The following RASA1 variants were observed in gnomAD, a reference collection of about 807,000 sequenced individuals.
RASA1 encodes the protein ras GTPase-activating protein 1.
Under a neutral mutation model 132.2 loss-of-function variants are expected in RASA1, and 25 were observed. The observed-to-expected ratio is 0.19, with a 90% CI of 0.14 to 0.26. The LOEUF is 0.26. RASA1 is among the 10% of genes least tolerant of loss of function. RASA1 has a pLI of 1.00. For synonymous variants in RASA1, 477 were observed against 449.9 expected (o/e 1.06, Z -0.76); for missense variants, 964 against 1,299.2 (o/e 0.74, Z 3.97).
chr5:87,268,531 C>T lies in RASA1; in HGVS notation c.80C>T (p.Ser27Phe). The T allele has an allele frequency of 6.3e-7, 1 of 1,592,842 alleles. No individual in the cohort carries two copies. Among genetic ancestry groups the T allele is most frequent in the Non-Finnish European group, 8.5e-7 (1 of 1,171,202 alleles). The change falls in exon 1 of 25, where the codon TCC becomes TTC. Residue 27 changes from serine (S) to phenylalanine (F), a missense_variant. By Grantham distance (155) the Ser-to-Phe change is radical (BLOSUM62 -2). This residue lies in a region of RASA1 where 326 missense variants were observed against 275.8 expected (regional missense o/e 1.18). Transcript: ENST00000274376. ...GGAGGAGGCGGCGCGGCAGCGGGCT[C>T]CAGTGCCTATCCCGCAGTGTGTCGG... Reference protein sequence around the residue: ...GAGGGGAAAGSSAYPAVCRVK... With the variant: ...GAGGGGAAAGFSAYPAVCRVK...
At chr5:87,356,937 C>T (rs188068799) in intron 9 of RASA1, among the ~76,000 whole-genome samples, 15 of 152,172 alleles carry the variant, frequency 9.9e-5, no homozygotes, top group Admixed American at 9.2e-4. Flanking sequence ...TTTTTGTTTG[C>T]ATTGTTTTTT....
chr5:87,298,384 G>A (rs1755213256), intron 1 of RASA1, among the ~76,000 whole-genome samples: 1 of 148,214 alleles, frequency 6.7e-6, no homozygotes, highest in South Asian at 2.1e-4. Flanking sequence ...CTGCACTCCA[G>A]CCTGGACGAC....
intron 1 of RASA1, among the ~76,000 whole-genome samples, chr5:87,323,425 A>G (rs1464789846): frequency 1.3e-5 from 2 of 152,164 alleles, no homozygotes; most frequent in Non-Finnish European, 2.9e-5. Flanking sequence ...GAGAGTGGAT[A>G]ATGCCTGTTC....
At chr5:87,344,052 T>C (rs1056526702) in intron 6 of RASA1, among the ~76,000 whole-genome samples, 1 of 152,090 alleles carries the variant, frequency 6.6e-6, no homozygotes, top group Non-Finnish European at 1.5e-5. Flanking sequence ...AGAATGATGG[T>C]TACCAAAAGG....
intron 1 of RASA1, among the ~76,000 whole-genome samples, chr5:87,292,404 G>A (rs759421319): frequency 8.0e-6 from 1 of 124,736 alleles, no homozygotes; most frequent in Non-Finnish European, 1.7e-5. Context: ...ATGTCTAGTT[G>A]TGCCAGCACT....
chr5:87,328,350 T>A (rs1757383039), intron 1 of RASA1, among the ~76,000 whole-genome samples: 1 of 152,034 alleles, frequency 6.6e-6, no homozygotes, highest in Non-Finnish European at 1.5e-5. Flanking sequence ...TTGAAAACGG[T>A]CACCAGCAAA....
At position 87,328,349 on chromosome 5, in the gene RASA1, G is replaced by T. The variant is rs563506685; in HGVS notation, c.540-2999G>T. 1.6e-3 allele frequency among the ~76,000 whole-genome samples: 240 copies of T among 152,100 alleles called. 1 individual carries two copies. Among genetic ancestry groups the T allele is most frequent in the Middle Eastern group, 6.8e-3 (2 of 294 alleles). On this transcript the variant is annotated intron_variant, in intron 1 of 24. Transcript: ENST00000274376. The stretch of plus-strand genomic sequence containing the variant: ...TTTTTTTTAAACTTATTTGAAAACG[G>T]TCACCAGCAAATCTACTTTTAAAGA...
At chr5:87,310,366 GTAAGT>G (rs1755819708) in intron 1 of RASA1, among the ~76,000 whole-genome samples, 1 of 152,134 alleles carries the variant, frequency 6.6e-6, no homozygotes, top group Non-Finnish European at 1.5e-5. Flanking sequence ...TGCAAAGCTA[GTAAGT>G]TAAATCTGAA....
chr5:87,277,706 G>T (rs1184148550), intron 1 of RASA1, among the ~76,000 whole-genome samples: 1 of 152,072 alleles, frequency 6.6e-6, no homozygotes, highest in Non-Finnish European at 1.5e-5. Context: ...AATGGATTTG[G>T]ATTATTTTGG....
chr5:87,289,517 G>T (rs768213331), intron 1 of RASA1, among the ~76,000 whole-genome samples: 8 of 152,080 alleles, frequency 5.3e-5, no homozygotes, highest in Admixed American at 4.6e-4. Flanking sequence ...CTTCATTAGG[G>T]AATCTTAGGA....
In RASA1 at chr5:87,268,744, C is replaced by T; in HGVS notation, c.293C>T (p.Ala98Val). ...GGGTAAGVAG[A>V]AAGVAGAAVA... Reference sequence around the variant, plus strand: ...GGTACTGCTGCTGGCGTAGCTGGTGCTGCTGCTGGCGTGGCCGGTGCTGCT... The same window carrying T: ...GGTACTGCTGCTGGCGTAGCTGGTGTTGCTGCTGGCGTGGCCGGTGCTGCT... Residue 98 changes from alanine (A) to valine (V), a missense_variant, in exon 1 of 25, where the codon GCT (alanine) becomes GTT (valine). By Grantham distance (64) the Ala-to-Val change is moderately conservative. Coordinates refer to ENST00000274376, the MANE Select transcript of RASA1 (RefSeq NM_002890.3). 1 of 1,613,332 alleles carries T rather than the reference C, an allele frequency of 6.2e-7. No homozygotes were observed. Among genetic ancestry groups the T allele is most frequent in the African/African-American group, 1.3e-5 (1 of 75,042 alleles).
At chr5:87,374,769 C>A in intron 14 of RASA1, 71 bp from the exon 15 acceptor site, 1 of 1,575,254 alleles carries the variant, frequency 6.3e-7, no homozygotes, top group Non-Finnish European at 8.6e-7. Flanking sequence ...TTATTTGATA[C>A]TAGAACTAAA....
intron 9 of RASA1, among the ~76,000 whole-genome samples, chr5:87,359,823 T>C (rs1399753227): frequency 6.6e-6 from 1 of 152,200 alleles, no homozygotes; most frequent in African/African-American, 2.4e-5. Flanking sequence ...GTAGTAAGAA[T>C]TTAAATGTAG....
At chr5:87,369,949 G>C in intron 12 of RASA1, 49 bp downstream of exon 12, 1 of 1,446,244 alleles carries the variant, frequency 6.9e-7, no homozygotes, top group Middle Eastern at 1.7e-4. Flanking sequence ...GTTAGCCCAT[G>C]TTTTCTTATT....
At chr5:87,367,150 C>G (rs1315780161) in intron 11 of RASA1, among the ~76,000 whole-genome samples, 1 of 152,032 alleles carries the variant, frequency 6.6e-6, no homozygotes, top group Non-Finnish European at 1.5e-5. Context: ...GTGAGAAAGA[C>G]TGAATGCCAA....
chr5:87,341,173 A>T (rs950283098), intron 5 of RASA1, 117 bp from the exon 6 acceptor site: 1 of 536,190 alleles, frequency 1.9e-6, no homozygotes, highest in Non-Finnish European at 2.9e-6. Flanking sequence ...CTTTTTTTAT[A>T]TAAACATAAA....
At chr5:87,315,026 T>A (rs1372578162) in intron 1 of RASA1, among the ~76,000 whole-genome samples, 1 of 152,238 alleles carries the variant, frequency 6.6e-6, no homozygotes, top group Non-Finnish European at 1.5e-5. Context: ...CTAGGCAGAA[T>A]GTGGTTTCCA....
At chr5:87,275,295 T>C (rs1301269559) in intron 1 of RASA1, among the ~76,000 whole-genome samples, 5 of 152,310 alleles carry the variant, frequency 3.3e-5, no homozygotes, top group Middle Eastern at 3.4e-3. Context: ...ACAGTTCTAA[T>C]TGGTTTATTT....
At chr5:87,318,201 C>G (rs1039697154) in intron 1 of RASA1, among the ~76,000 whole-genome samples, 5 of 152,116 alleles carry the variant, frequency 3.3e-5, no homozygotes, top group African/African-American at 1.2e-4. Context: ...TGTGGATTCC[C>G]TACTGTATGC....
Sources: gnomAD v4.1 joint callset for allele counts (sites outside exome capture counted in the v4.1 genomes callset) on GRCh38, gnomAD v4.1.1 for gene constraint, gnomAD v4.1.1 regional missense constraint, MANE v1.5 for transcripts, NCBI Gene and HGNC (gene_info 2026-07-23, HGNC 2026-07-21) for gene names.